Variants in DESI2 observed in about 807,000 individuals in gnomAD.
DESI2 encodes the protein desumoylating isopeptidase 2, also known as deubiquitinase DESI2.
A neutral mutation model predicts 24.1 loss-of-function variants in DESI2; 10 were observed. The observed-to-expected ratio is 0.41, with a 90% CI of 0.26 to 0.70. The LOEUF is 0.70. Among genes scored for constraint, DESI2 ranks in the 30% least tolerant of loss-of-function variants. The pLI is 0.29. For synonymous variants in DESI2, 71 were observed against 87.7 expected (o/e 0.81, Z 1.06); for missense variants, 122 against 234.9 (o/e 0.52, Z 3.14).
intron 1 of DESI2, among the ~76,000 whole-genome samples, chr1:244,655,416 CT>C (rs1467961400): frequency 1.3e-5 from 2 of 152,180 alleles, no homozygotes; most frequent in Non-Finnish European, 1.5e-5. Context: ...AATTATTAGA[CT>C]TTTAATAAAC....
chr1:244,701,664 C>T (rs1022227942), intron 4 of DESI2, among the ~76,000 whole-genome samples: 17 of 152,262 alleles, frequency 1.1e-4, no homozygotes, highest in Non-Finnish European at 1.8e-4. Flanking sequence ...CCTTTTGGAA[C>T]GGGAATGTCT....
At position 244,707,187 on chromosome 1, in the gene DESI2, CATTT is replaced by C. The variant is rs1362248473; in HGVS notation, c.*1404_*1407del. 2.0e-5 allele frequency: 3 copies of C among 152,510 alleles called. No homozygotes were observed. Among genetic ancestry groups the C allele is most frequent in the African/African-American group, 4.8e-5 (2 of 41,432 alleles). The allele number at this position is 152,510 out of a possible 1,614,324, so 9.4% of individuals were successfully genotyped here. A position where few individuals can be genotyped will look rare whatever the true frequency, so the allele number is the denominator to read the frequency against. ...ATATAGTTAGTTTTAAAATTATTGA[CATTT>C]ATTTAAACTTTTAGATTGGATTGTT... On this transcript the variant is annotated 3_prime_UTR_variant, in exon 5 of 5. Transcript: ENST00000302550.
chr1:244,703,870 G>C (rs535552829), intron 4 of DESI2, among the ~76,000 whole-genome samples: 5 of 152,024 alleles, frequency 3.3e-5, no homozygotes, highest in African/African-American at 7.3e-5. Context: ...GTGTTAGCCA[G>C]GATGGTCTCG....
At chr1:244,688,183 C>T (rs1676888508) in intron 2 of DESI2, among the ~76,000 whole-genome samples, 1 of 152,000 alleles carries the variant, frequency 6.6e-6, no homozygotes, top group African/African-American at 2.4e-5. Context: ...TAATATATTC[C>T]TGAAAATTAG....
Position 244,661,095 on chromosome 1 carries a change from C to T in DESI2, c.42+7740C>T, listed in dbSNP as rs140401135. Reference sequence around the variant, plus strand: ...CAATCTACTGTGTTAGGTATATTCACATTTTTGTGCAACCAGTCTTCAGAA... The same window carrying T: ...CAATCTACTGTGTTAGGTATATTCATATTTTTGTGCAACCAGTCTTCAGAA... On this transcript the variant is annotated intron_variant, in intron 1 of 4. Coordinates refer to ENST00000302550, the MANE Select transcript of DESI2 (RefSeq NM_016076.5). 1.7e-3 allele frequency among the ~76,000 whole-genome samples: 266 copies of T among 152,286 alleles called. 2 individuals carry two copies. Among genetic ancestry groups the T allele is most frequent in the African/African-American group, 6.3e-3 (260 of 41,570 alleles).
intron 1 of DESI2, among the ~76,000 whole-genome samples, chr1:244,663,476 G>A (rs1436475170): frequency 6.6e-6 from 1 of 151,698 alleles, no homozygotes; most frequent in East Asian, 2.0e-4. Context: ...GCACCTGGCT[G>A]CAAATTTTAA....
chr1:244,677,481 A>T (rs66895223), intron 1 of DESI2, among the ~76,000 whole-genome samples: 36,083 of 152,052 alleles, frequency 0.24, 4,348 homozygotes, highest in South Asian at 0.33. Context: ...CTTTCTGAGG[A>T]TAGAAAATAT....
At chr1:244,680,524 A>G (rs780416504) in intron 1 of DESI2, among the ~76,000 whole-genome samples, 2 of 152,186 alleles carry the variant, frequency 1.3e-5, no homozygotes, top group Non-Finnish European at 2.9e-5. Context: ...GGTTTAACAC[A>G]TTTGACAGGA....
chr1:244,701,331 G>A (rs1036795745), intron 4 of DESI2, among the ~76,000 whole-genome samples: 1 of 150,800 alleles, frequency 6.6e-6, no homozygotes, highest in East Asian at 2.0e-4. Context: ...ATTCAGGAAC[G>A]ATCTGTGGAG....
chr1:244,697,099 T>C (rs1357565984), intron 4 of DESI2, among the ~76,000 whole-genome samples: 2 of 152,202 alleles, frequency 1.3e-5, no homozygotes, highest in Admixed American at 6.5e-5. Context: ...GCTGATTTTG[T>C]TTTGTACCTT....
chr1:244,662,587 ACTGT>A (rs969332816), intron 1 of DESI2, among the ~76,000 whole-genome samples: 14 of 152,276 alleles, frequency 9.2e-5, no homozygotes, highest in African/African-American at 1.2e-4. Flanking sequence ...ATCTATCTAA[ACTGT>A]CTATTAAACA....
At chr1:244,700,969 T>C (rs1677428054) in intron 4 of DESI2, among the ~76,000 whole-genome samples, 1 of 152,210 alleles carries the variant, frequency 6.6e-6, no homozygotes, top group African/African-American at 2.4e-5. Flanking sequence ...TATGTGGTTA[T>C]GATATTTAGC....
intron 4 of DESI2, among the ~76,000 whole-genome samples, chr1:244,696,870 C>T (rs572279275): frequency 4.8e-4 from 73 of 151,928 alleles, no homozygotes; most frequent in African/African-American, 1.7e-3. Flanking sequence ...CTCTGGGACT[C>T]TGGGATTTTG....
chr1:244,703,151 GCCA>G (rs1677542733), intron 4 of DESI2, among the ~76,000 whole-genome samples: 2 of 151,834 alleles, frequency 1.3e-5, no homozygotes, highest in Non-Finnish European at 2.9e-5. Flanking sequence ...ACAGGTGTGT[GCCA>G]CCACACCTGG....
intron 2 of DESI2, among the ~76,000 whole-genome samples, chr1:244,688,136 A>G (rs1036719181): frequency 5.9e-5 from 9 of 152,226 alleles, no homozygotes; most frequent in African/African-American, 2.2e-4. Context: ...GTTTCAAAAC[A>G]TGTTCATGTA....
At chr1:244,655,230 GA>G (rs1371702922) in intron 1 of DESI2, among the ~76,000 whole-genome samples, 2 of 152,194 alleles carry the variant, frequency 1.3e-5, no homozygotes, top group African/African-American at 4.8e-5. Context: ...AGAAGCAGCA[GA>G]CAGGGGAGAG....
chr1:244,658,939 CTT>C (rs987294326), intron 1 of DESI2, among the ~76,000 whole-genome samples: 2 of 151,800 alleles, frequency 1.3e-5, no homozygotes, highest in Non-Finnish European at 2.9e-5. Flanking sequence ...CTTAATTACT[CTT>C]TGGAAGATAA....
At chr1:244,688,431 T>C (rs1386570598) in intron 2 of DESI2, among the ~76,000 whole-genome samples, 1 of 152,228 alleles carries the variant, frequency 6.6e-6, no homozygotes, top group East Asian at 1.9e-4. Context: ...CTGCCTGTTC[T>C]TTCCTGTGCT....
chr1:244,703,697 T>A (rs950673181), intron 4 of DESI2, among the ~76,000 whole-genome samples: 2 of 150,808 alleles, frequency 1.3e-5, no homozygotes, highest in African/African-American at 2.4e-5. Flanking sequence ...CTTGCTCTGT[T>A]GCCCCGGCTG....
Sources: allele counts gnomAD v4.1 joint callset (sites outside exome capture counted in the v4.1 genomes callset), GRCh38; gene constraint gnomAD v4.1.1; transcripts MANE v1.5; gene names NCBI Gene and HGNC (gene_info 2026-07-23, HGNC 2026-07-21).